The following VLDLR variants were observed in gnomAD, a reference collection of about 807,000 sequenced individuals.
The protein encoded by VLDLR is very low-density lipoprotein receptor.
In VLDLR, 81 loss-of-function variants were observed where a neutral mutation model predicts 112.7. The observed-to-expected ratio is 0.72, with a 90% CI of 0.60 to 0.86. VLDLR has a LOEUF of 0.86. VLDLR is among the 40% of genes least tolerant of loss of function. The probability of loss-of-function intolerance (pLI) is 0.00; values close to 1 mark genes in which losing one functional copy is unlikely to be tolerated. For synonymous variants in VLDLR, 436 were observed against 384.8 expected (o/e 1.13, Z -1.56); for missense variants, 1,237 against 1,099.4 (o/e 1.13, Z -1.77).
In VLDLR at chr9:2,647,460, T is replaced by G. The variant is rs769132868; in HGVS notation, c.1704-14T>G. 1.2e-6 allele frequency: 2 copies of G among 1,609,554 alleles called. No homozygotes were observed. The highest frequency in any genetic ancestry group is 1.7e-5 in the Admixed American group (1 of 60,022). ...TAAACCACTGAGGCTTATTTCTCAT[T>G]TAATTTTTCACAGCTTTGTTTACTG... On this transcript the variant is annotated splice_polypyrimidine_tract_variant and intron_variant, in intron 11 of 18. Coordinates refer to ENST00000382100, the MANE Select transcript of VLDLR (RefSeq NM_003383.5).
intron 2 of VLDLR, 110 bp from the exon 3 acceptor site, chr9:2,639,749 T>C: frequency 1.3e-6 from 2 of 1,566,730 alleles, no homozygotes; most frequent in Non-Finnish European, 1.8e-6. Context: ...GCCCATTGAC[T>C]CAGCTTTTTT....
rs754063549 is a variant in VLDLR, at chr9:2,647,636, A to T, written c.1822+44A>T. 5 of 1,508,424 alleles carry T rather than the reference A, an allele frequency of 3.3e-6. No individual in the cohort carries two copies. In the East Asian group the frequency reaches 6.8e-5, roughly 20 times the overall value. 93.4% of individuals were successfully genotyped at this position (1,508,424 alleles called of 1,614,324 possible). ...CTCGACCACCCACTCAACTATCTTC[A>T]TAGTGTTTCCATTTATCTCCATGGT... On this transcript the variant is annotated intron_variant, in intron 12 of 18. Coordinates refer to ENST00000382100, the MANE Select transcript of VLDLR (RefSeq NM_003383.5).
intron 6 of VLDLR, 36 bp downstream of exon 6, chr9:2,643,786 G>A (rs753277718): frequency 6.2e-7 from 1 of 1,614,066 alleles, no homozygotes; most frequent in Non-Finnish European, 8.5e-7. Context: ...GCAATGGATT[G>A]CTCTGACCAG....
At chr9:2,643,789 C>T (rs758647986) in intron 6 of VLDLR, 39 bp downstream of exon 6, 5 of 1,614,088 alleles carry the variant, frequency 3.1e-6, no homozygotes, top group Admixed American at 3.3e-5. Context: ...ATGGATTGCT[C>T]TGACCAGACC....
intron 13 of VLDLR, 109 bp from the exon 14 acceptor site, chr9:2,648,560 C>T: frequency 6.4e-7 from 1 of 1,569,300 alleles, no homozygotes; most frequent in Non-Finnish European, 8.8e-7. Context: ...TGTCCCAGTT[C>T]AGCATTCAGT....
Position 2,654,228 on chromosome 9 carries a change from T to G in VLDLR, c.*360T>G, listed in dbSNP as rs1818497926. On this transcript the variant is annotated 3_prime_UTR_variant, in exon 19 of 19. Transcript: ENST00000382100. Reference sequence around the variant, plus strand: ...ACATTGTATAGGCCATCTGTAAATATCCCAGAGAACAATCACTATTCTTAA... The same window carrying G: ...ACATTGTATAGGCCATCTGTAAATAGCCCAGAGAACAATCACTATTCTTAA... 4.4e-6 allele frequency: 1 copy of G among 228,524 alleles called. No individual in the cohort carries two copies. Among genetic ancestry groups the G allele is most frequent in the South Asian group, 7.9e-5 (1 of 12,638 alleles). The allele number at this position is 228,524 out of a possible 1,614,324, so 14.2% of individuals were successfully genotyped here. A position where few individuals can be genotyped will look rare whatever the true frequency, so the allele number is the denominator to read the frequency against.
At position 2,658,607 on chromosome 9, in the gene VLDLR, TACTA is replaced by T. The variant is rs1818690828; in HGVS notation, c.*4743_*4746del. 6.6e-6 allele frequency: 1 copy of T among 152,184 alleles called. No individual in the cohort carries two copies. Among genetic ancestry groups the T allele is most frequent in the South Asian group, 2.1e-4 (1 of 4,826 alleles). 9.4% of individuals were successfully genotyped at this position (152,184 alleles called of 1,614,324 possible). A position where few individuals can be genotyped will look rare whatever the true frequency, so the allele number is the denominator to read the frequency against. ...CTTGTGTGTGGTACCTTGGGCAAGT[TACTA>T]ACTCCCTCTGTAAAGTAGAGACGAT... On this transcript the variant is annotated 3_prime_UTR_variant, in exon 19 of 19. Coordinates refer to ENST00000382100, the MANE Select transcript of VLDLR (RefSeq NM_003383.5).
intron 1 of VLDLR, 99 bp downstream of exon 1, chr9:2,622,370 A>C: frequency 9.0e-7 from 1 of 1,116,662 alleles, no homozygotes; most frequent in Non-Finnish European, 1.2e-6. Context: ...GCCTCCTAGG[A>C]GGCGCCTCTC....
Position 2,650,099 on chromosome 9 carries a change from C to T in VLDLR, c.2105-271C>T, listed in dbSNP as rs188131732. Reference sequence around the variant, plus strand: ...AGAGCCAGTCCTGGTCCCTCACCTCCCTTCCCCACCTCCTCTTTTGGCATC... The same window carrying T: ...AGAGCCAGTCCTGGTCCCTCACCTCTCTTCCCCACCTCCTCTTTTGGCATC... On this transcript the variant is annotated intron_variant, in intron 14 of 18. Transcript: ENST00000382100. Among the ~76,000 whole-genome samples, 9 of 152,264 alleles carry T rather than the reference C, an allele frequency of 5.9e-5. No individual in the cohort carries two copies. The East Asian group carries it at 1.7e-3, about 29-fold the overall frequency.
At position 2,644,096 on chromosome 9, in the gene VLDLR, A is replaced by G. The variant is rs1817949685; in HGVS notation, c.1066+137A>G. On this transcript the variant is annotated intron_variant, in intron 7 of 18. Transcript: ENST00000382100. ...GTTCAATTGTAGACTTCAGAGTGAA[A>G]CTTTATGACTTAAAAGCCCAGGTAG... 1.8e-5 allele frequency: 23 copies of G among 1,301,068 alleles called. No individual in the cohort carries two copies. In the South Asian group the frequency reaches 2.3e-4, roughly 13 times the overall value. The allele number at this position is 1,301,068 out of a possible 1,614,324, so 80.6% of individuals were successfully genotyped here.
At chr9:2,645,215 C>T (rs1408074391) in intron 9 of VLDLR, 133 bp downstream of exon 9, 9 of 1,348,566 alleles carry the variant, frequency 6.7e-6, no homozygotes, top group Admixed American at 1.7e-5. Flanking sequence ...CCTCATAATA[C>T]AGCAGTATAG....
rs1037332053 is a variant in VLDLR, at chr9:2,657,528, T to C, written c.*3660T>C. ...AAAGAGTAGAAAGAAGCTTCCCTTA[T>C]TGTGGGTGATGAGGCGGTGCCTAAA... On this transcript the variant is annotated 3_prime_UTR_variant, in exon 19 of 19. Coordinates refer to ENST00000382100, the MANE Select transcript of VLDLR (RefSeq NM_003383.5). 1 of 152,270 alleles carries C rather than the reference T, an allele frequency of 6.6e-6. No homozygotes were observed. The highest frequency in any genetic ancestry group is 1.5e-5 in the Non-Finnish European group (1 of 68,020). The allele number at this position is 152,270 out of a possible 1,614,324, so 9.4% of individuals were successfully genotyped here.
chr9:2,628,887 A>G (rs1483242953), intron 1 of VLDLR, among the ~76,000 whole-genome samples: 1 of 152,188 alleles, frequency 6.6e-6, no homozygotes, highest in East Asian at 1.9e-4. Context: ...TAAAAGAGGC[A>G]TTTATCTCCT....
At chr9:2,649,545 C>A (rs1057362742) in intron 14 of VLDLR, among the ~76,000 whole-genome samples, 1 of 152,110 alleles carries the variant, frequency 6.6e-6, no homozygotes, top group Non-Finnish European at 1.5e-5. Flanking sequence ...GAGTGAGCCA[C>A]CACGTCCAGC....
In VLDLR at chr9:2,646,385, C is replaced by CTA; in HGVS notation, c.1539_1540dup (p.Asn514IlefsTer27). 6.2e-7 allele frequency: 1 copy of CTA among 1,614,180 alleles called. No individual in the cohort carries two copies. Among genetic ancestry groups the CTA allele is most frequent in the Non-Finnish European group, 8.5e-7 (1 of 1,180,024 alleles). ...GACATGTTAAAATGATCGACAATGT[C>CTA]TATAATCCTGCAGCCATTGCTGTTG... On this transcript the variant is annotated frameshift_variant, in exon 11 of 19. Coordinates refer to ENST00000382100, the MANE Select transcript of VLDLR (RefSeq NM_003383.5). LOFTEE classifies it high-confidence loss of function.
intron 14 of VLDLR, among the ~76,000 whole-genome samples, chr9:2,649,173 G>A (rs1818200928): frequency 6.6e-5 from 10 of 152,104 alleles, no homozygotes; most frequent in African/African-American, 2.2e-4. Context: ...TTGCAATGAA[G>A]TACCACAGAC....
chr9:2,635,052 G>A (rs1339140885), intron 1 of VLDLR, among the ~76,000 whole-genome samples: 2 of 152,070 alleles, frequency 1.3e-5, no homozygotes, highest in East Asian at 3.8e-4. Flanking sequence ...ATTTTCGTCT[G>A]GCTCCATTTG....
chr9:2,635,963 A>C (rs1241566265), intron 2 of VLDLR, among the ~76,000 whole-genome samples: 2 of 152,166 alleles, frequency 1.3e-5, no homozygotes, highest in African/African-American at 4.8e-5. Flanking sequence ...AAATCCCATA[A>C]AGTTTCAGGG....
intron 11 of VLDLR, among the ~76,000 whole-genome samples, chr9:2,646,890 C>G (rs935206473): frequency 1.3e-5 from 2 of 152,154 alleles, no homozygotes; most frequent in African/African-American, 2.4e-5. Context: ...TGACTGAAAG[C>G]TTTGCTGGGC....
Sources: gnomAD v4.1 joint callset for allele counts (sites outside exome capture counted in the v4.1 genomes callset) on GRCh38, gnomAD v4.1.1 for gene constraint, MANE v1.5 for transcripts, NCBI Gene and HGNC (gene_info 2026-07-23, HGNC 2026-07-21) for gene names.